The following RSRC1 variants were observed in gnomAD, a reference collection of about 807,000 sequenced individuals.
RSRC1 encodes the protein arginine and serine rich coiled-coil 1.
RSRC1 carries 39 observed loss-of-function variants against 49.1 expected under a neutral mutation model. The ratio of observed to expected loss-of-function variants is 0.79; its 90% CI spans 0.61 to 1.04. RSRC1 has a LOEUF of 1.04. Ranked by LOEUF, RSRC1 falls within the 50% of genes least tolerant of loss-of-function variation. The probability of loss-of-function intolerance (pLI) is 0.00; values close to 1 mark genes in which losing one functional copy is unlikely to be tolerated. For synonymous variants in RSRC1, 143 were observed against 130.8 expected (o/e 1.09, Z -0.63); for missense variants, 388 against 402.4 (o/e 0.96, Z 0.31).
intron 7 of RSRC1, among the ~76,000 whole-genome samples, chr3:158,520,795 T>A (rs926290219): frequency 5.3e-5 from 8 of 152,214 alleles, no homozygotes; most frequent in Non-Finnish European, 4.4e-5. Flanking sequence ...TAAATGAGTT[T>A]AAGTAGACCT....
At chr3:158,398,942 T>A (rs1733747704) in intron 6 of RSRC1, among the ~76,000 whole-genome samples, 1 of 152,106 alleles carries the variant, frequency 6.6e-6, no homozygotes, top group South Asian at 2.1e-4. Context: ...TGCTATTTTT[T>A]AAAATTGCTA....
chr3:158,283,579 A>G (rs546845350), intron 4 of RSRC1, among the ~76,000 whole-genome samples: 68 of 151,498 alleles, frequency 4.5e-4, no homozygotes, highest in African/African-American at 1.5e-3. Context: ...TTTAATGGTG[A>G]TATCGTTTTC....
intron 4 of RSRC1, among the ~76,000 whole-genome samples, chr3:158,252,772 G>T (rs1282895757): frequency 6.6e-6 from 1 of 152,150 alleles, no homozygotes; most frequent in East Asian, 1.9e-4. Context: ...ACTTGATACT[G>T]GTCTATTCAC....
chr3:158,363,772 G>A (rs527637266), intron 6 of RSRC1, among the ~76,000 whole-genome samples: 1 of 152,246 alleles, frequency 6.6e-6, no homozygotes, highest in African/African-American at 2.4e-5. Flanking sequence ...CATCATTTAG[G>A]AACAATAAGT....
intron 6 of RSRC1, among the ~76,000 whole-genome samples, chr3:158,416,744 G>C (rs1734756011): frequency 6.6e-6 from 1 of 151,880 alleles, no homozygotes; most frequent in Non-Finnish European, 1.5e-5. Context: ...AGTTTGGGTT[G>C]GTATATTCCA....
At chr3:158,470,345 CACACACACACACACACATATAT>C (rs1738075047) in intron 7 of RSRC1, among the ~76,000 whole-genome samples, 1 of 118,610 alleles carries the variant, frequency 8.4e-6, no homozygotes, top group African/African-American at 3.4e-5. Context: ...CACACACACA[CACACACACACACACACATATAT>C]ATATATATAT....
intron 5 of RSRC1, among the ~76,000 whole-genome samples, chr3:158,327,931 A>C (rs1013617912): frequency 5.3e-5 from 8 of 152,212 alleles, no homozygotes; most frequent in African/African-American, 1.9e-4. Flanking sequence ...TTGGGTGCAT[A>C]CATATTTAGG....
At chr3:158,496,794 G>T in intron 7 of RSRC1, 1 of 236,854 alleles carries the variant, frequency 4.2e-6, no homozygotes, top group South Asian at 6.1e-5. Flanking sequence ...ATGACCGTAA[G>T]AAACTAGGGG....
chr3:158,165,429 A>G (rs995733491), intron 3 of RSRC1, among the ~76,000 whole-genome samples: 1 of 152,212 alleles, frequency 6.6e-6, no homozygotes, highest in Non-Finnish European at 1.5e-5. Flanking sequence ...CTGCCTAATT[A>G]TTTCTAATTG....
chr3:158,446,135 A>T (rs976909887), intron 6 of RSRC1, among the ~76,000 whole-genome samples: 3 of 152,142 alleles, frequency 2.0e-5, no homozygotes, highest in African/African-American at 7.2e-5. Flanking sequence ...GAAAATTACA[A>T]GTAGTATCTG....
chr3:158,118,491 C>A (rs932455796), intron 1 of RSRC1, among the ~76,000 whole-genome samples: 1 of 132,812 alleles, frequency 7.5e-6, no homozygotes, highest in African/African-American at 2.9e-5. Context: ...TTTAAATTGT[C>A]CTTTGTTAAA....
intron 4 of RSRC1, among the ~76,000 whole-genome samples, chr3:158,281,064 G>A (rs1726130236): frequency 6.6e-6 from 1 of 152,010 alleles, no homozygotes; most frequent in Non-Finnish European, 1.5e-5. Flanking sequence ...CTAGGATGGA[G>A]GTCATGGCAA....
chr3:158,287,127 T>C (rs1294305594), intron 4 of RSRC1, among the ~76,000 whole-genome samples: 2 of 152,102 alleles, frequency 1.3e-5, no homozygotes, highest in African/African-American at 4.8e-5. Context: ...CGCCTAGCCT[T>C]TTCCCTCAGT....
At chr3:158,518,149 T>TATA (rs1491305666) in intron 7 of RSRC1, among the ~76,000 whole-genome samples, 8 of 74,392 alleles carry the variant, frequency 1.1e-4, no homozygotes, top group South Asian at 4.0e-4. Flanking sequence ...TATATATATA[T>TATA]TTTTTTTTTT....
intron 3 of RSRC1, among the ~76,000 whole-genome samples, chr3:158,171,429 G>C (rs1718875477): frequency 6.6e-6 from 1 of 152,104 alleles, no homozygotes; most frequent in African/African-American, 2.4e-5. Context: ...CTGGATATTG[G>C]AACTATTAGA....
In RSRC1 at chr3:158,337,954, A is replaced by G. The variant is rs552867458; in HGVS notation, c.532-16903A>G. 1.1e-3 allele frequency among the ~76,000 whole-genome samples: 162 copies of G among 152,362 alleles called. 1 individual carries two copies. The highest frequency in any genetic ancestry group is 3.8e-3 in the African/African-American group (159 of 41,588). Reference sequence around the variant, plus strand: ...CTGTGGTAGATTGAATTATTATTCTACATTTTTAAGTCAGCTCTTAATTCA... The same window carrying G: ...CTGTGGTAGATTGAATTATTATTCTGCATTTTTAAGTCAGCTCTTAATTCA... On this transcript the variant is annotated intron_variant, in intron 5 of 9. Coordinates refer to ENST00000611884, the MANE Select transcript of RSRC1 (RefSeq NM_001271838.2).
intron 7 of RSRC1, among the ~76,000 whole-genome samples, chr3:158,468,918 G>A (rs540180196): frequency 4.9e-4 from 75 of 152,236 alleles, no homozygotes; most frequent in African/African-American, 1.7e-3. Flanking sequence ...TGATAAGTTT[G>A]TATCCAAATA....
chr3:158,381,417 AGT>A (rs1485308184), intron 6 of RSRC1, among the ~76,000 whole-genome samples: 1 of 152,228 alleles, frequency 6.6e-6, no homozygotes, highest in African/African-American at 2.4e-5. Context: ...TACAGTAAGA[AGT>A]GATCTCTCGC....
intron 5 of RSRC1, among the ~76,000 whole-genome samples, chr3:158,339,843 G>A (rs949518767): frequency 6.6e-6 from 1 of 152,180 alleles, no homozygotes; most frequent in Non-Finnish European, 1.5e-5. Context: ...TAAGTGTGCT[G>A]ATACATGTTT....
Sources: allele counts gnomAD v4.1 joint callset (sites outside exome capture counted in the v4.1 genomes callset), GRCh38; gene constraint gnomAD v4.1.1; transcripts MANE v1.5; gene names NCBI Gene and HGNC (gene_info 2026-07-23, HGNC 2026-07-21).